The following SLIT1 variants were observed in gnomAD, a reference collection of about 807,000 sequenced individuals.
The protein encoded by SLIT1 is slit homolog 1 protein.
In SLIT1, 66 loss-of-function variants were observed where a neutral mutation model predicts 186.1. The ratio of observed to expected loss-of-function variants is 0.35; its 90% CI spans 0.29 to 0.44. The LOEUF (loss-of-function observed/expected upper bound fraction) is 0.44. Among genes scored for constraint, SLIT1 ranks in the 20% least tolerant of loss-of-function variants. The pLI, the probability that SLIT1 is intolerant of heterozygous loss-of-function variation, is 1.00. For synonymous variants in SLIT1, 761 were observed against 833.8 expected, an observed-to-expected ratio of 0.91 and a Z score of 1.50; for missense variants, 1,638 against 2,037.4, an observed-to-expected ratio of 0.80 and a Z score of 3.77.
At chr10:97,018,825 A>G in intron 27 of SLIT1, 142 bp from the exon 28 acceptor site, 1 of 614,764 alleles carries the variant, frequency 1.6e-6, no homozygotes, top group Middle Eastern at 2.8e-4. Flanking sequence ...CACTTCATTC[A>G]TTCATTCATT....
chr10:97,174,805 G>A (rs1016944148), intron 1 of SLIT1, among the ~76,000 whole-genome samples: 3 of 152,126 alleles, frequency 2.0e-5, no homozygotes, highest in Non-Finnish European at 4.4e-5. Context: ...AGCTGGTTGA[G>A]GAGCAGGACT....
intron 28 of SLIT1, 39 bp from the exon 29 acceptor site, chr10:97,014,197 G>A (rs1173010773): frequency 7.5e-6 from 12 of 1,608,368 alleles, no homozygotes; most frequent in Non-Finnish European, 1.0e-5. Context: ...CAGCCCTCTT[G>A]GAACACTGGT....
chr10:97,060,753 G>T lies in SLIT1; in HGVS notation c.828C>A (p.Thr276=), dbSNP rs1848886599. ...TGGCCGGGCAGGAGCCGGAGGACAGGGTGCAGGTGGGCACGCGCCCCGCTT... is the reference window on the plus strand; with the variant it reads ...TGGCCGGGCAGGAGCCGGAGGACAGTGTGCAGGTGGGCACGCGCCCCGCTT... ...QGEAGRVPTC[T]LSSGSCPAMC... The change falls in exon 9 of 37, where the codon ACC becomes ACA. Residue 276 remains threonine, a synonymous_variant. Coordinates refer to ENST00000266058, the MANE Select transcript of SLIT1 (RefSeq NM_003061.3). The T allele has an allele frequency of 6.2e-7, 1 of 1,612,494 alleles. No individual in the cohort carries two copies. Among genetic ancestry groups the T allele is most frequent in the Non-Finnish European group, 8.5e-7 (1 of 1,179,538 alleles).
chr10:97,003,291 G>GGT (rs1848329041), intron 34 of SLIT1, among the ~76,000 whole-genome samples: 1 of 152,222 alleles, frequency 6.6e-6, no homozygotes, highest in African/African-American at 2.4e-5. Context: ...TCGCCAAGGC[G>GGT]CCTTCTCTCC....
intron 4 of SLIT1, among the ~76,000 whole-genome samples, chr10:97,150,628 A>G (rs994493262): frequency 6.7e-6 from 1 of 150,356 alleles, no homozygotes. Context: ...CAAAAGGTCA[A>G]TCTTGTTGGG....
intron 1 of SLIT1, among the ~76,000 whole-genome samples, chr10:97,179,809 C>G (rs1343406319): frequency 6.6e-6 from 1 of 151,142 alleles, no homozygotes. Flanking sequence ...CTCCCCGCCC[C>G]CCGGCACAGC....
rs574306456 is a variant in SLIT1, at chr10:97,175,870, C to T, written c.197+9608G>A. On this transcript the variant is annotated intron_variant, in intron 1 of 36. Transcript: ENST00000266058. The stretch of plus-strand genomic sequence containing the variant: ...AACTCTGCTCACCACGCTCCACCCC[C>T]AGACCAGACACCTCACTCCCTATAC... Among the ~76,000 whole-genome samples, 14 of 152,318 alleles carry T rather than the reference C, an allele frequency of 9.2e-5. No homozygotes were observed. The East Asian group carries it at 2.5e-3, about 27-fold the overall frequency.
intron 28 of SLIT1, 103 bp from the exon 29 acceptor site, chr10:97,014,261 A>C: frequency 2.2e-6 from 3 of 1,376,748 alleles, no homozygotes; most frequent in Non-Finnish European, 3.0e-6. Flanking sequence ...AGGGTCCCTA[A>C]TCCCGGCCAG....
chr10:97,004,669 C>G lies in SLIT1; in HGVS notation c.3710+24G>C. On this transcript the variant is annotated intron_variant, in intron 33 of 36. Transcript: ENST00000266058. This position sits in a 1 kb window ranked among gnomAD's most constrained non-coding sequence, Gnocchi z 5.1. ...GGCAGTCCCGTACCCCTGAGGGCAG[C>G]TGGGGGGCATAAGGAAGCCCTACCT... is the stretch of plus-strand genomic sequence containing the variant. 1 of 1,613,836 alleles carries G rather than the reference C, an allele frequency of 6.2e-7. No homozygotes were observed. Among genetic ancestry groups the G allele is most frequent in the Non-Finnish European group, 8.5e-7 (1 of 1,179,820 alleles).
chr10:97,003,053 C>T (rs2134585320), intron 34 of SLIT1, 61 bp from the exon 35 acceptor site: 1 of 1,526,500 alleles, frequency 6.6e-7, no homozygotes, highest in Non-Finnish European at 9.0e-7. Flanking sequence ...CGGGCACCCA[C>T]CCCTGAGGTC....
At chr10:97,094,168 G>A (rs1032582847) in intron 4 of SLIT1, among the ~76,000 whole-genome samples, 1 of 152,240 alleles carries the variant, frequency 6.6e-6, no homozygotes, top group African/African-American at 2.4e-5. Flanking sequence ...CAAAAAGCAT[G>A]TTGACCTGTG....
At chr10:97,117,516 A>G (rs61864254) in intron 4 of SLIT1, among the ~76,000 whole-genome samples, 183 of 152,354 alleles carry the variant, frequency 1.2e-3, no homozygotes, top group Non-Finnish European at 2.0e-3. Context: ...TTATAAATCC[A>G]CAAGGGTGTG....
chr10:97,067,765 C>T (rs1274303864), intron 4 of SLIT1, among the ~76,000 whole-genome samples: 1 of 152,178 alleles, frequency 6.6e-6, no homozygotes, highest in Non-Finnish European at 1.5e-5. Flanking sequence ...CAACCAGCGG[C>T]AGACCGTCCT....
chr10:97,090,603 G>T (rs1849220595), intron 4 of SLIT1, among the ~76,000 whole-genome samples: 1 of 152,122 alleles, frequency 6.6e-6, no homozygotes, highest in African/African-American at 2.4e-5. Flanking sequence ...GTGTTGGGGG[G>T]GGCAGTGAAA....
Position 97,002,905 on chromosome 10 carries a change from T to C in SLIT1, c.3953A>G (p.Tyr1318Cys). The C allele has an allele frequency of 1.2e-6, 2 of 1,614,226 alleles. No homozygotes were observed. Among genetic ancestry groups the C allele is most frequent in the Non-Finnish European group, 1.7e-6 (2 of 1,180,028 alleles). Residue 1318 changes from tyrosine to cysteine, a missense_variant, in exon 35 of 37, where the codon TAC becomes TGC. This residue lies in a region of SLIT1 where 173 missense variants were observed against 290.9 expected (regional missense o/e 0.59). Coordinates refer to ENST00000266058, the MANE Select transcript of SLIT1 (RefSeq NM_003061.3). ...GAAGTCCTGCAGCTCGTTGTTGATG[T>C]ACAGGTTTCGGATGCAACCGTGGAA... ...TGFHGCIRNL[Y>C]INNELQDFTK... is the part of the protein sequence containing the mutation.
chr10:97,126,784 C>T (rs899150719), intron 4 of SLIT1, among the ~76,000 whole-genome samples: 3 of 152,192 alleles, frequency 2.0e-5, no homozygotes, highest in Non-Finnish European at 4.4e-5. Context: ...TCTGGAAGAA[C>T]TTTCCAGAGG....
At position 96,999,909 on chromosome 10, in the gene SLIT1, A is replaced by ACTT. The variant is rs1310278047; in HGVS notation, c.*1200_*1202dup. On this transcript the variant is annotated 3_prime_UTR_variant, in exon 37 of 37. Coordinates refer to ENST00000266058, the MANE Select transcript of SLIT1 (RefSeq NM_003061.3). Reference sequence around the variant, plus strand: ...CCAGCCCCGGGTTAGGCACATAAATACTTTTGATGTGATCAATGTAGATAG... The same window carrying ACTT: ...CCAGCCCCGGGTTAGGCACATAAATACTTCTTTTGATGTGATCAATGTAGATAG... 3 of 151,936 alleles carry ACTT rather than the reference A, an allele frequency of 2.0e-5. No homozygotes were observed. The highest frequency in any genetic ancestry group is 7.3e-5 in the African/African-American group (3 of 41,228). The allele number at this position is 151,936 out of a possible 1,614,324, so 9.4% of individuals were successfully genotyped here.
intron 4 of SLIT1, among the ~76,000 whole-genome samples, chr10:97,135,152 C>T (rs1466515162): frequency 3.3e-5 from 5 of 152,202 alleles, no homozygotes; most frequent in Non-Finnish European, 7.3e-5. Context: ...CCTGCAGAGT[C>T]GAAGGCACGG....
At chr10:97,062,423 ACAGT>A (rs1589379166) in intron 8 of SLIT1, among the ~76,000 whole-genome samples, 2 of 152,302 alleles carry the variant, frequency 1.3e-5, no homozygotes, top group South Asian at 2.1e-4. Context: ...TTTGGGAGAA[ACAGT>A]CAGCCTCTAA....
Sources: allele counts gnomAD v4.1 joint callset (sites outside exome capture counted in the v4.1 genomes callset), GRCh38; gene constraint gnomAD v4.1.1; regional missense constraint gnomAD v4.1.1; non-coding constraint Gnocchi (gnomAD v3.1); transcripts MANE v1.5; gene names NCBI Gene and HGNC (gene_info 2026-07-23, HGNC 2026-07-21).